Variants in GSE1 observed in about 807,000 individuals in gnomAD.
GSE1 encodes the protein genetic suppressor element 1.
Under a neutral mutation model 112.6 loss-of-function variants are expected in GSE1, and 32 were observed. The observed-to-expected ratio is 0.28, with a 90% CI of 0.21 to 0.38. The LOEUF is 0.38. Among genes scored for constraint, GSE1 ranks in the 10% least tolerant of loss-of-function variants. The pLI is 1.00. For synonymous variants in GSE1, 1,115 were observed against 735.6 expected, an observed-to-expected ratio of 1.52 and a Z score of -8.35; for missense variants, 2,348 against 1,699.2, an observed-to-expected ratio of 1.38 and a Z score of -6.71.
intron 1 of GSE1, among the ~76,000 whole-genome samples, chr16:85,267,977 T>C (rs1431022960): frequency 6.6e-6 from 1 of 152,102 alleles, no homozygotes; most frequent in Non-Finnish European, 1.5e-5. Flanking sequence ...CTTCAGAGGG[T>C]TGTGGCCAGG....
rs144741529 is a variant in GSE1 at position 85,588,419 on chromosome 16, G to A, written c.37+32056G>A. Among the ~76,000 whole-genome samples the A allele has an allele frequency of 6.8e-3, 1,033 of 152,296 alleles. 5 individuals are homozygous for A. The highest frequency in any genetic ancestry group is 0.02 in the Middle Eastern group (6 of 294). ...TGCTAGGCTGCTAATTACCAGTGTGGGAACGGCTTTATGATCCTCAAGGGC... is the reference window on the plus strand; with the variant it reads ...TGCTAGGCTGCTAATTACCAGTGTGAGAACGGCTTTATGATCCTCAAGGGC... On this transcript the variant is annotated intron_variant, in intron 1 of 2. Transcript: ENST00000635906.
chr16:85,449,725 T>A (rs927426850), intron 2 of GSE1, among the ~76,000 whole-genome samples: 1 of 152,214 alleles, frequency 6.6e-6, no homozygotes, highest in African/African-American at 2.4e-5. Context: ...GGGGCCAGCA[T>A]GCCTGGGGTT....
At chr16:85,392,475 A>G (rs1057120887) in intron 2 of GSE1, among the ~76,000 whole-genome samples, 6 of 152,222 alleles carry the variant, frequency 3.9e-5, no homozygotes, top group African/African-American at 1.4e-4. Context: ...AGTGGTGAAC[A>G]TATTCTGAAA....
chr16:85,390,467 C>T (rs553949431), intron 2 of GSE1, among the ~76,000 whole-genome samples: 2 of 152,136 alleles, frequency 1.3e-5, no homozygotes, highest in African/African-American at 2.4e-5. Flanking sequence ...GAGCTAGCTT[C>T]GTGTCCCTCC....
intron 2 of GSE1, among the ~76,000 whole-genome samples, chr16:85,477,670 C>A (rs986710333): frequency 1.3e-5 from 2 of 151,476 alleles, no homozygotes; most frequent in African/African-American, 4.9e-5. Context: ...AAGTGATTCT[C>A]CTGCTTCAGC....
At chr16:85,583,815 A>T (rs2046562002) in intron 1 of GSE1, among the ~76,000 whole-genome samples, 1 of 152,218 alleles carries the variant, frequency 6.6e-6, no homozygotes, top group East Asian at 1.9e-4. Flanking sequence ...CAGAAAAGGC[A>T]ATTGCTGGAG....
intron 2 of GSE1, among the ~76,000 whole-genome samples, chr16:85,391,301 T>G (rs1320181264): frequency 6.6e-6 from 1 of 152,244 alleles, no homozygotes; most frequent in East Asian, 1.9e-4. Context: ...TTTTTATCCC[T>G]TTTGTCAATT....
chr16:85,652,216 A>T (rs2051420031), intron 3 of GSE1, among the ~76,000 whole-genome samples: 1 of 152,216 alleles, frequency 6.6e-6, no homozygotes, highest in South Asian at 2.1e-4. Context: ...TCCTCTGAGC[A>T]GGTGCCGTGA....
At chr16:85,655,106 C>A in intron 5 of GSE1, 115 bp downstream of exon 5, 1 of 720,724 alleles carries the variant, frequency 1.4e-6, no homozygotes, top group African/African-American at 1.7e-5. Flanking sequence ...AGGGGAGGGT[C>A]TAGAGTAGCC....
intron 1 of GSE1, among the ~76,000 whole-genome samples, chr16:85,208,244 G>A (rs779617843): frequency 3.9e-5 from 6 of 152,128 alleles, no homozygotes; most frequent in Non-Finnish European, 5.9e-5. Context: ...CTTGAGCTCC[G>A]GATGGAGAGG....
intron 2 of GSE1, among the ~76,000 whole-genome samples, chr16:85,478,877 TTC>T (rs1418967558): frequency 5.3e-5 from 3 of 56,328 alleles, no homozygotes; most frequent in South Asian, 5.5e-4. Context: ...CTTTCTTTCT[TTC>T]TTTCTTTCTT....
chr16:85,512,594 T>C lies in GSE1; in HGVS notation c.2465-121320T>C, dbSNP rs2051785295. 2.0e-5 allele frequency among the ~76,000 whole-genome samples: 3 copies of C among 152,340 alleles called. 1 individual carries two copies. Among genetic ancestry groups the C allele is most frequent in the South Asian group, 4.1e-4 (2 of 4,830 alleles). On this transcript the variant is annotated intron_variant, in intron 2 of 2. Transcript: ENST00000637419. ...CCTCTCTTCTGAGGCAAATGGCTGATTGATTGCTTTTCATCTCCTACTTTG... is the reference window on the plus strand; with the variant it reads ...CCTCTCTTCTGAGGCAAATGGCTGACTGATTGCTTTTCATCTCCTACTTTG...
chr16:85,652,545 A>AGGCGGT (rs1555563148), intron 3 of GSE1, among the ~76,000 whole-genome samples: 7 of 150,954 alleles, frequency 4.6e-5, no homozygotes, highest in African/African-American at 1.7e-4. Flanking sequence ...TGAAGATTCC[A>AGGCGGT]GGCGGCGGCG....
intron 2 of GSE1, among the ~76,000 whole-genome samples, chr16:85,532,763 C>G (rs745406274): frequency 1.5e-3 from 225 of 152,240 alleles, no homozygotes; most frequent in Non-Finnish European, 2.7e-3. Flanking sequence ...TTCTGGCATA[C>G]CTGCCACATG....
chr16:85,588,360 C>T (rs1015196832), intron 1 of GSE1, among the ~76,000 whole-genome samples: 7 of 152,188 alleles, frequency 4.6e-5, no homozygotes, highest in African/African-American at 1.7e-4. Context: ...TTCCCCGCTG[C>T]GGGCCTTGGG....
intron 1 of GSE1, among the ~76,000 whole-genome samples, chr16:85,246,333 C>CACT: frequency 3.2e-5 from 1 of 31,532 alleles, no homozygotes. Flanking sequence ...ACACACACAC[C>CACT]CCCCACACGC....
At position 85,540,440 on chromosome 16, in the gene GSE1, A is replaced by C. The variant is rs1056340039; in HGVS notation, c.2465-93474A>C. 2.0e-5 allele frequency among the ~76,000 whole-genome samples: 3 copies of C among 152,216 alleles called. No individual in the cohort carries two copies. The East Asian group carries it at 5.8e-4, about 29-fold the overall frequency. The stretch of plus-strand genomic sequence containing the variant: ...CTCCTATCGGATCCCCAACTTGTGC[A>C]AAGTGCCTGAGGCTTGGCTTTGTGT... On this transcript the variant is annotated intron_variant, in intron 2 of 2. Coordinates refer to the GSE1 transcript ENST00000637419.
At chr16:85,440,927 G>A (rs2049360833) in intron 2 of GSE1, among the ~76,000 whole-genome samples, 1 of 152,214 alleles carries the variant, frequency 6.6e-6, no homozygotes, top group Admixed American at 6.5e-5. Context: ...GGGGCCTCGT[G>A]GCAATTCGAG....
chr16:85,198,984 G>A (rs1245859299), intron 1 of GSE1, among the ~76,000 whole-genome samples: 1 of 150,624 alleles, frequency 6.6e-6, no homozygotes, highest in Non-Finnish European at 1.5e-5. Context: ...TCGCTCTGTT[G>A]CCCAGGCTGG....
Sources: gnomAD v4.1 joint callset for allele counts (sites outside exome capture counted in the v4.1 genomes callset) on GRCh38, gnomAD v4.1.1 for gene constraint, MANE v1.5 for transcripts, NCBI Gene and HGNC (gene_info 2026-07-23, HGNC 2026-07-21) for gene names.